The following NPEPPS variants were observed in gnomAD, a reference collection of about 807,000 sequenced individuals.
NPEPPS encodes the protein aminopeptidase puromycin sensitive, also known as puromycin-sensitive aminopeptidase.
Under a neutral mutation model 115.5 loss-of-function variants are expected in NPEPPS, and 14 were observed. The ratio of observed to expected loss-of-function variants is 0.12; its 90% CI spans 0.08 to 0.19. NPEPPS has a LOEUF of 0.19. Ranked by LOEUF, NPEPPS falls within the 10% of genes least tolerant of loss-of-function variation. The probability of loss-of-function intolerance (pLI) is 1.00; values close to 1 mark genes in which losing one functional copy is unlikely to be tolerated. For missense variants in NPEPPS, 523 were observed against 1,110.8 expected (o/e 0.47, Z 7.52); for synonymous variants, 285 against 390.6 (o/e 0.73, Z 3.19).
intron 17 of NPEPPS, among the ~76,000 whole-genome samples, chr17:47,609,360 G>A (rs1222442766): frequency 3.3e-5 from 5 of 152,168 alleles, no homozygotes; most frequent in African/African-American, 4.8e-5. Context: ...ATGATAACGT[G>A]ACACTTTTTG....
chr17:47,613,280 T>C (rs1913992171), intron 18 of NPEPPS, among the ~76,000 whole-genome samples: 4 of 132,942 alleles, frequency 3.0e-5, no homozygotes, highest in Admixed American at 1.6e-4. Context: ...TTTTTTTTTT[T>C]TCTGAGACGG....
chr17:47,527,212 G>C (rs1907469471), upstream of NPEPPS, among the ~76,000 whole-genome samples: 1 of 152,210 alleles, frequency 6.6e-6, no homozygotes, highest in Non-Finnish European at 1.5e-5. Context: ...GCCAGGCATA[G>C]TGGCTCACAC....
intron 1 of NPEPPS, among the ~76,000 whole-genome samples, chr17:47,543,743 A>C (rs1280826742): frequency 1.3e-5 from 2 of 152,018 alleles, no homozygotes; most frequent in Non-Finnish European, 2.9e-5. Flanking sequence ...ACCACTCTAG[A>C]GGATAATTTG....
intron 2 of NPEPPS, among the ~76,000 whole-genome samples, chr17:47,566,029 T>C (rs918418601): frequency 2.8e-4 from 43 of 152,206 alleles, no homozygotes; most frequent in Non-Finnish European, 4.6e-4. Flanking sequence ...GGTCTCACTC[T>C]GTCACCTAGA....
At chr17:47,575,580 A>AATAATTATTATT (rs1555608384) in intron 3 of NPEPPS, among the ~76,000 whole-genome samples, 3 of 144,092 alleles carry the variant, frequency 2.1e-5, no homozygotes, top group South Asian at 2.2e-4. Flanking sequence ...GACAATATTG[A>AATAATTATTATT]ATTATTATTA....
intron 3 of NPEPPS, among the ~76,000 whole-genome samples, chr17:47,576,156 C>T (rs559928756): frequency 2.6e-5 from 4 of 152,042 alleles, no homozygotes; most frequent in Non-Finnish European, 5.9e-5. Context: ...TGGCACCATT[C>T]TGGGATAGTG....
chr17:47,622,908 G>T lies in NPEPPS; in HGVS notation c.*988G>T, dbSNP rs779291559. Reference sequence around the variant, plus strand: ...TGGCTTCTCCCGGTTCATTTTATGCGTGCGAGAAGTCAGTGGTAACTGCTG... The same window carrying T: ...TGGCTTCTCCCGGTTCATTTTATGCTTGCGAGAAGTCAGTGGTAACTGCTG... On this transcript the variant is annotated 3_prime_UTR_variant, in exon 23 of 23. Transcript: ENST00000322157. 3.1e-5 allele frequency: 14 copies of T among 455,812 alleles called. No individual in the cohort carries two copies. The highest frequency in any genetic ancestry group is 1.6e-4 in the Admixed American group (7 of 42,502). The allele number at this position is 455,812 out of a possible 1,614,324, so 28.2% of individuals were successfully genotyped here.
Position 47,531,183 on chromosome 17 carries a change from C to G in NPEPPS, c.-118C>G. Reference sequence around the variant, plus strand: ...TCCGCCCCCTTCCCCGTAGGCAGCCCGCCCGCCAGTCCGCCCGCACCGCCT... The same window carrying G: ...TCCGCCCCCTTCCCCGTAGGCAGCCGGCCCGCCAGTCCGCCCGCACCGCCT... On this transcript the variant is annotated 5_prime_UTR_variant, in exon 1 of 23. Transcript: ENST00000322157. 7.2e-7 allele frequency: 1 copy of G among 1,379,896 alleles called. No individual in the cohort carries two copies. The highest frequency in any genetic ancestry group is 9.3e-7 in the Non-Finnish European group (1 of 1,069,962). 85.5% of individuals were successfully genotyped at this position (1,379,896 alleles called of 1,614,324 possible).
At chr17:47,542,131 T>C (rs965506927) in intron 1 of NPEPPS, among the ~76,000 whole-genome samples, 3 of 152,214 alleles carry the variant, frequency 2.0e-5, no homozygotes, top group African/African-American at 7.2e-5. Flanking sequence ...CTAAGAGCAT[T>C]GTTGATCTGC....
intron 5 of NPEPPS, among the ~76,000 whole-genome samples, chr17:47,584,815 T>G (rs1221232938): frequency 1.3e-5 from 2 of 152,102 alleles, no homozygotes; most frequent in African/African-American, 2.4e-5. Flanking sequence ...AAATGGGAGA[T>G]TCTACAATTA....
At chr17:47,553,266 G>A (rs564482710) in intron 2 of NPEPPS, among the ~76,000 whole-genome samples, 4 of 151,430 alleles carry the variant, frequency 2.6e-5, no homozygotes, top group Admixed American at 2.0e-4. Context: ...CTAGCTACTC[G>A]GGAGGCTGAG....
At chr17:47,568,524 C>G (rs2446515) in intron 2 of NPEPPS, among the ~76,000 whole-genome samples, 2 of 152,080 alleles carry the variant, frequency 1.3e-5, no homozygotes, top group African/African-American at 2.4e-5. Context: ...GGAAGTTGGT[C>G]TCTTTGGTTA....
At chr17:47,547,137 C>T (rs928130443) in intron 2 of NPEPPS, among the ~76,000 whole-genome samples, 1 of 151,900 alleles carries the variant, frequency 6.6e-6, no homozygotes, top group Non-Finnish European at 1.5e-5. Context: ...GAGTTAGTTA[C>T]AGGGGAAGAA....
intron 1 of NPEPPS, among the ~76,000 whole-genome samples, chr17:47,541,494 A>G (rs1031473709): frequency 6.6e-6 from 1 of 151,726 alleles, no homozygotes; most frequent in South Asian, 2.1e-4. Flanking sequence ...CTCCTGCCTC[A>G]GCCTCCCGAG....
At chr17:47,563,030 G>T (rs1422434645) in intron 2 of NPEPPS, among the ~76,000 whole-genome samples, 2 of 147,480 alleles carry the variant, frequency 1.4e-5, no homozygotes, top group African/African-American at 2.5e-5. Context: ...TTTGTTGTTT[G>T]TTTGTTTTGT....
chr17:47,533,166 TGATA>T, intron 1 of NPEPPS, among the ~76,000 whole-genome samples: 1 of 152,324 alleles, frequency 6.6e-6, no homozygotes, highest in South Asian at 2.1e-4. Context: ...TACTTATCTG[TGATA>T]GATAACTATA....
At chr17:47,583,566 C>G (rs1912014357) in intron 5 of NPEPPS, among the ~76,000 whole-genome samples, 1 of 151,256 alleles carries the variant, frequency 6.6e-6, no homozygotes, top group Non-Finnish European at 1.5e-5. Flanking sequence ...GCCTGGGTGA[C>G]AGAGCCAGAC....
At chr17:47,543,959 A>G (rs1479099909) in intron 1 of NPEPPS, among the ~76,000 whole-genome samples, 1 of 148,566 alleles carries the variant, frequency 6.7e-6, no homozygotes, top group Non-Finnish European at 1.5e-5. Context: ...CAGTGGCACA[A>G]TCTCCGCTCA....
chr17:47,564,643 A>T (rs1422406017), intron 2 of NPEPPS, among the ~76,000 whole-genome samples: 1 of 148,418 alleles, frequency 6.7e-6, no homozygotes, highest in Non-Finnish European at 1.5e-5. Flanking sequence ...TCAGTATTAT[A>T]TATTACTATA....
Sources: gnomAD v4.1 joint callset for allele counts (sites outside exome capture counted in the v4.1 genomes callset) on GRCh38, gnomAD v4.1.1 for gene constraint, MANE v1.5 for transcripts, NCBI Gene and HGNC (gene_info 2026-07-23, HGNC 2026-07-21) for gene names.